SVEP1: variants seen among roughly 807,000 people sequenced by gnomAD.
SVEP1 encodes sushi, von Willebrand factor type A, EGF and pentraxin domain containing 1.
Under a neutral mutation model 367.3 loss-of-function variants are expected in SVEP1, and 164 were observed. That is an observed-to-expected ratio of 0.45 (90% CI 0.39 to 0.51). SVEP1 has a LOEUF of 0.51. Among genes scored for constraint, SVEP1 ranks in the 20% least tolerant of loss-of-function variants. The probability of loss-of-function intolerance (pLI) is 0.00; values close to 1 mark genes in which losing one functional copy is unlikely to be tolerated. For synonymous variants in SVEP1, 1,666 were observed against 1,611.6 expected, an observed-to-expected ratio of 1.03 and a Z score of -0.81; for missense variants, 4,117 against 4,425.3, an observed-to-expected ratio of 0.93 and a Z score of 1.98.
In SVEP1 at chr9:110,427,762, C is replaced by T. The variant is rs755182631; in HGVS notation, c.5808-4G>A. 1.1e-5 allele frequency: 18 copies of T among 1,606,110 alleles called. No individual in the cohort carries two copies. Among genetic ancestry groups the T allele is most frequent in the Middle Eastern group, 3.3e-4 (2 of 6,034 alleles). The stretch of plus-strand genomic sequence containing the variant: ...AATAATGGAAGGGCCCTGTAAGCTG[C>T]GGGAAAGAATGATGTTACTCTTTCA... On this transcript the variant is annotated splice_polypyrimidine_tract_variant and splice_region_variant and intron_variant, in intron 35 of 47. Coordinates refer to ENST00000374469, the MANE Select transcript of SVEP1 (RefSeq NM_153366.4).
chr9:110,449,091 T>C (rs1219935899), intron 24 of SVEP1, among the ~76,000 whole-genome samples: 1 of 152,228 alleles, frequency 6.6e-6, no homozygotes, highest in African/African-American at 2.4e-5. Flanking sequence ...AAATCTATCT[T>C]GTATACTACA....
At chr9:110,576,858 C>T (rs181435102) in intron 1 of SVEP1, among the ~76,000 whole-genome samples, 255 of 152,032 alleles carry the variant, frequency 1.7e-3, no homozygotes, top group African/African-American at 5.9e-3. Flanking sequence ...TTATATGAAC[C>T]AAATAGTGCT....
intron 3 of SVEP1, among the ~76,000 whole-genome samples, chr9:110,528,177 T>TATATATATATAC (rs1236102081): frequency 1.0e-4 from 14 of 136,412 alleles, no homozygotes; most frequent in African/African-American, 3.9e-4. Flanking sequence ...TATATATATA[T>TATATATATATAC]ATATATATAT....
At chr9:110,383,476 A>AC (rs35943720) in intron 43 of SVEP1, among the ~76,000 whole-genome samples, 21,617 of 151,752 alleles carry the variant, frequency 0.14, 1,686 homozygotes, top group African/African-American at 0.18. Flanking sequence ...AGGGGCACTG[A>AC]CCTGATGCTA....
chr9:110,508,704 T>C (rs564347315), intron 5 of SVEP1, among the ~76,000 whole-genome samples: 39 of 133,200 alleles, frequency 2.9e-4, no homozygotes, highest in African/African-American at 1.1e-3. Context: ...GAGCTTGCAG[T>C]GAGCCGAGAT....
intron 24 of SVEP1, among the ~76,000 whole-genome samples, chr9:110,449,175 G>C (rs1828651960): frequency 6.6e-6 from 1 of 152,156 alleles, no homozygotes; most frequent in African/African-American, 2.4e-5. Flanking sequence ...GACAACAGGA[G>C]AGGGTTGTTT....
chr9:110,545,280 C>T (rs1830205896), intron 3 of SVEP1, among the ~76,000 whole-genome samples: 1 of 152,172 alleles, frequency 6.6e-6, no homozygotes. Context: ...TGAATATCTG[C>T]CCAGTAGTGG....
intron 18 of SVEP1, among the ~76,000 whole-genome samples, chr9:110,463,751 G>T (rs752244126): frequency 6.6e-6 from 1 of 151,922 alleles, no homozygotes; most frequent in Non-Finnish European, 1.5e-5. Context: ...GCAAGCAAGA[G>T]AAAGTGAGAA....
intron 27 of SVEP1, chr9:110,442,678 C>T (rs77450869): frequency 0.032 from 4,932 of 151,828 alleles, 79 homozygotes; most frequent in Middle Eastern, 0.059. Flanking sequence ...TTGTCCAGGG[C>T]GGTCTCCAAC....
At chr9:110,469,177 T>C in intron 16 of SVEP1, 76 bp from the exon 17 acceptor site, 5 of 1,431,618 alleles carry the variant, frequency 3.5e-6, no homozygotes, top group East Asian at 2.3e-5. Context: ...TCCTAAGACA[T>C]GAAAGTAATA....
intron 47 of SVEP1, among the ~76,000 whole-genome samples, chr9:110,367,485 G>T (rs1462184454): frequency 6.6e-6 from 1 of 152,112 alleles, no homozygotes; most frequent in East Asian, 1.9e-4. Flanking sequence ...AAACTTTAAG[G>T]CATTCAGTCT....
intron 3 of SVEP1, among the ~76,000 whole-genome samples, chr9:110,541,821 C>A (rs535475123): frequency 2.2e-5 from 3 of 138,004 alleles, no homozygotes; most frequent in South Asian, 4.6e-4. Flanking sequence ...ACATAGATAT[C>A]TATATATATC....
intron 39 of SVEP1, among the ~76,000 whole-genome samples, chr9:110,403,599 G>A (rs773611082): frequency 4.0e-5 from 6 of 151,448 alleles, no homozygotes; most frequent in East Asian, 2.0e-4. Context: ...CACCGTGCCC[G>A]GCCCGATTCC....
Position 110,513,116 on chromosome 9 carries a change from C to T in SVEP1, c.1124-11G>A, listed in dbSNP as rs764727484. On this transcript the variant is annotated splice_polypyrimidine_tract_variant and intron_variant, in intron 4 of 47. Transcript: ENST00000374469. ...CAGGGCAGTGGACAACTAACATTTACAAAAATAAAATTGAAAAGCAAAGTT... is the reference window on the plus strand; with the variant it reads ...CAGGGCAGTGGACAACTAACATTTATAAAAATAAAATTGAAAAGCAAAGTT... The T allele has an allele frequency of 1.3e-6, 2 of 1,585,028 alleles. No individual in the cohort carries two copies. The highest frequency in any genetic ancestry group is 2.3e-5 in the East Asian group (1 of 44,404).
At position 110,391,268 on chromosome 9, in the gene SVEP1, TG is replaced by T. The variant is rs1273522271; in HGVS notation, c.9823-1682del. On this transcript the variant is annotated intron_variant, in intron 40 of 47. Coordinates refer to ENST00000374469, the MANE Select transcript of SVEP1 (RefSeq NM_153366.4). ...AGCAACCTGATGGGTCATTACTTTTTGTCTTTTTTTTTTTTTTTTTGAGACA... is the reference window on the plus strand; with the variant it reads ...AGCAACCTGATGGGTCATTACTTTTTTCTTTTTTTTTTTTTTTTTGAGACA... 1.1e-3 allele frequency among the ~76,000 whole-genome samples: 129 copies of T among 118,796 alleles called. 1 individual carries two copies. The East Asian group carries it at 0.027, about 24-fold the overall frequency. The allele number at this position is 118,796 out of a possible 152,430, so 77.9% of individuals were successfully genotyped here.
chr9:110,550,219 G>T (rs1830267059), intron 1 of SVEP1, 115 bp from the exon 2 acceptor site: 1 of 1,362,738 alleles, frequency 7.3e-7, no homozygotes. Context: ...AGGCATGAGG[G>T]ATGGAAGCCC....
At chr9:110,410,450 T>G (rs551619785) in intron 37 of SVEP1, among the ~76,000 whole-genome samples, 9 of 152,220 alleles carry the variant, frequency 5.9e-5, no homozygotes, top group Non-Finnish European at 1.2e-4. Flanking sequence ...TCTAAGCATT[T>G]AAAATTATAA....
chr9:110,370,126 T>A lies in SVEP1; in HGVS notation c.10601-110A>T, dbSNP rs1588015959. ...CTCTACTTCCTGCAGCAGCCACTGC[T>A]GGTCTTCATATACCGTTAGCATTAT... is the stretch of plus-strand genomic sequence containing the variant. On this transcript the variant is annotated intron_variant, in intron 46 of 47. Coordinates refer to ENST00000374469, the MANE Select transcript of SVEP1 (RefSeq NM_153366.4). 9.8e-6 allele frequency: 9 copies of A among 921,596 alleles called. No homozygotes were observed. In the East Asian group the frequency reaches 2.1e-4, roughly 22 times the overall value. The allele number at this position is 921,596 out of a possible 1,614,324, so 57.1% of individuals were successfully genotyped here. A position where few individuals can be genotyped will look rare whatever the true frequency, so the allele number is the denominator to read the frequency against.
intron 27 of SVEP1, among the ~76,000 whole-genome samples, chr9:110,439,358 C>T (rs1232031003): frequency 1.3e-5 from 2 of 152,110 alleles, no homozygotes; most frequent in African/African-American, 4.8e-5. Flanking sequence ...AGACTTCTAG[C>T]CTGCAGGACT....
Sources: gnomAD v4.1 joint callset for allele counts (sites outside exome capture counted in the v4.1 genomes callset) on GRCh38, gnomAD v4.1.1 for gene constraint, MANE v1.5 for transcripts, NCBI Gene and HGNC (gene_info 2026-07-23, HGNC 2026-07-21) for gene names.